Variants in CDH13 observed in about 807,000 individuals in gnomAD.
The protein encoded by CDH13 is cadherin 13, also known as cadherin-13.
In CDH13, 24 loss-of-function variants were observed where a neutral mutation model predicts 63.8. That is an observed-to-expected ratio of 0.38 (90% CI 0.27 to 0.53). The LOEUF is 0.53. Ranked by LOEUF, CDH13 falls within the 20% of genes least tolerant of loss-of-function variation. The probability of loss-of-function intolerance (pLI) is 0.85; values close to 1 mark genes in which losing one functional copy is unlikely to be tolerated. For synonymous variants in CDH13, 503 were observed against 355.3 expected (o/e 1.42, Z -4.67); for missense variants, 1,049 against 903.1 (o/e 1.16, Z -2.07).
chr16:83,591,421 T>C (rs1037478223), intron 7 of CDH13, among the ~76,000 whole-genome samples: 2 of 152,252 alleles, frequency 1.3e-5, no homozygotes, highest in South Asian at 2.1e-4. Flanking sequence ...TGTTCTGTTC[T>C]GCTCCTAACC....
intron 2 of CDH13, among the ~76,000 whole-genome samples, chr16:83,030,280 C>A (rs773900655): frequency 6.6e-6 from 1 of 152,194 alleles, no homozygotes; most frequent in Non-Finnish European, 1.5e-5. Context: ...CTCTTGGCCT[C>A]TCTTCCTGCC....
intron 10 of CDH13, among the ~76,000 whole-genome samples, chr16:83,720,530 C>T (rs560726455): frequency 6.6e-6 from 1 of 151,918 alleles, no homozygotes; most frequent in Non-Finnish European, 1.5e-5. Flanking sequence ...ATTCCTTGAG[C>T]GTAGGAGTTC....
At chr16:83,279,464 G>C (rs945396646) in intron 5 of CDH13, among the ~76,000 whole-genome samples, 26 of 152,178 alleles carry the variant, frequency 1.7e-4, no homozygotes, top group Admixed American at 3.3e-4. Flanking sequence ...TCAGAGGTTA[G>C]GGGGAACATT....
chr16:82,799,140 T>G (rs901121439), intron 1 of CDH13, among the ~76,000 whole-genome samples: 22 of 152,166 alleles, frequency 1.4e-4, no homozygotes, highest in African/African-American at 5.3e-4. Flanking sequence ...CTAAAATGCC[T>G]TCAGCGTGTT....
At chr16:83,728,279 G>A (rs1910650252) in intron 10 of CDH13, among the ~76,000 whole-genome samples, 1 of 151,938 alleles carries the variant, frequency 6.6e-6, no homozygotes, top group South Asian at 2.1e-4. Context: ...CCTGTGAGCC[G>A]TAAGCGGTGT....
At chr16:83,379,536 G>C (rs1204646645) in intron 6 of CDH13, among the ~76,000 whole-genome samples, 1 of 152,174 alleles carries the variant, frequency 6.6e-6, no homozygotes, top group Non-Finnish European at 1.5e-5. Flanking sequence ...CTAAGAGTTT[G>C]ATCACTCAGC....
intron 1 of CDH13, among the ~76,000 whole-genome samples, chr16:82,843,824 G>C (rs1358995386): frequency 6.6e-6 from 1 of 152,188 alleles, no homozygotes; most frequent in Non-Finnish European, 1.5e-5. Context: ...GGCAACAAAA[G>C]TTCATAGTCT....
intron 2 of CDH13, among the ~76,000 whole-genome samples, chr16:82,877,872 C>T (rs192274666): frequency 4.5e-4 from 66 of 148,294 alleles, no homozygotes; most frequent in African/African-American, 1.5e-3. Flanking sequence ...GGACTCAAAC[C>T]CTGTCATGAT....
chr16:83,132,363 G>A (rs12598853), intron 4 of CDH13, among the ~76,000 whole-genome samples: 15,014 of 151,034 alleles, frequency 0.099, 901 homozygotes, highest in African/African-American at 0.17. Context: ...ATTGTTTTGT[G>A]CCCTTTATCT....
intron 6 of CDH13, among the ~76,000 whole-genome samples, chr16:83,477,521 A>G (rs901952996): frequency 7.9e-5 from 12 of 152,164 alleles, no homozygotes; most frequent in African/African-American, 2.7e-4. Flanking sequence ...TCAGGAGTAT[A>G]TATATCTCGT....
intron 4 of CDH13, among the ~76,000 whole-genome samples, chr16:83,139,503 C>G (rs1242387756): frequency 6.6e-6 from 1 of 152,162 alleles, no homozygotes. Flanking sequence ...CTCTGTGTTG[C>G]TCAATTTTTA....
At chr16:82,996,303 C>T (rs571625696) in intron 2 of CDH13, among the ~76,000 whole-genome samples, 29 of 152,212 alleles carry the variant, frequency 1.9e-4, no homozygotes, top group African/African-American at 6.7e-4. Context: ...TCCCAGTGGC[C>T]TCTACCCCAT....
At chr16:83,516,589 A>G (rs1414462690) in intron 7 of CDH13, among the ~76,000 whole-genome samples, 10 of 152,164 alleles carry the variant, frequency 6.6e-5, no homozygotes, top group Admixed American at 6.5e-4. Flanking sequence ...TTTTAATGTG[A>G]GAGCTCCCTT....
intron 7 of CDH13, among the ~76,000 whole-genome samples, chr16:83,597,991 T>C (rs1291187403): frequency 6.6e-6 from 1 of 152,218 alleles, no homozygotes; most frequent in Admixed American, 6.5e-5. Context: ...TGTTTTTTGA[T>C]CACTGTATCT....
At chr16:83,469,839 G>A (rs1015082590) in intron 6 of CDH13, among the ~76,000 whole-genome samples, 1 of 152,340 alleles carries the variant, frequency 6.6e-6, no homozygotes, top group Non-Finnish European at 1.5e-5. Context: ...TCTCATATTT[G>A]AAATGTATGA....
intron 5 of CDH13, among the ~76,000 whole-genome samples, chr16:83,219,759 C>T (rs1423300683): frequency 6.6e-6 from 1 of 152,200 alleles, no homozygotes; most frequent in Non-Finnish European, 1.5e-5. Flanking sequence ...ATTTTACATA[C>T]ATTTAATTGA....
At chr16:83,406,248 C>G (rs939319978) in intron 6 of CDH13, among the ~76,000 whole-genome samples, 45 of 152,274 alleles carry the variant, frequency 3.0e-4, no homozygotes, top group African/African-American at 1.1e-3. Context: ...CCAGCTTAGC[C>G]ACACAGCTGT....
chr16:83,134,074 A>C (rs924036959), intron 4 of CDH13, among the ~76,000 whole-genome samples: 1 of 152,238 alleles, frequency 6.6e-6, no homozygotes, highest in African/African-American at 2.4e-5. Context: ...TTAATAGACC[A>C]TTATATGATC....
chr16:82,679,377 A>G lies in CDH13; in HGVS notation c.45+52240A>G, dbSNP rs916462285. Among the ~76,000 whole-genome samples, 6 of 152,224 alleles carry G rather than the reference A, an allele frequency of 3.9e-5. No individual in the cohort carries two copies. In the East Asian group the frequency reaches 1.2e-3, roughly 29 times the overall value. On this transcript the variant is annotated intron_variant, in intron 1 of 13. Transcript: ENST00000567109. ...GGGGAGCAGGGTAGCAGGGAGCAAG[A>G]ACTGTCCAACATAATCTAGTTTACC...
Sources: gnomAD v4.1 joint callset for allele counts (sites outside exome capture counted in the v4.1 genomes callset) on GRCh38, gnomAD v4.1.1 for gene constraint, MANE v1.5 for transcripts, NCBI Gene and HGNC (gene_info 2026-07-23, HGNC 2026-07-21) for gene names.